RASGRF2: variants seen among roughly 807,000 people sequenced by gnomAD.
RASGRF2 encodes the protein Ras protein specific guanine nucleotide releasing factor 2.
Under a neutral mutation model 151.0 loss-of-function variants are expected in RASGRF2, and 76 were observed. The ratio of observed to expected loss-of-function variants is 0.50; its 90% CI spans 0.42 to 0.61. RASGRF2 has a LOEUF of 0.61. RASGRF2 is among the 20% of genes least tolerant of loss of function. The pLI is 0.00. For missense variants in RASGRF2, 1,148 were observed against 1,564.6 expected, an observed-to-expected ratio of 0.73 and a Z score of 4.49; for synonymous variants, 504 against 566.5, an observed-to-expected ratio of 0.89 and a Z score of 1.57.
intron 9 of RASGRF2, chr5:81,087,938 T>C (rs1259594288): frequency 6.6e-6 from 1 of 152,432 alleles, no homozygotes; most frequent in African/African-American, 2.4e-5. Context: ...CATTAATTTT[T>C]GCACAGACTA....
chr5:81,122,533 C>A (rs1186276177), intron 15 of RASGRF2, among the ~76,000 whole-genome samples: 1 of 152,040 alleles, frequency 6.6e-6, no homozygotes, highest in Non-Finnish European at 1.5e-5. Context: ...AAGTCACATG[C>A]AAGTATAAAA....
intron 9 of RASGRF2, among the ~76,000 whole-genome samples, chr5:81,091,417 T>C (rs1752384678): frequency 1.3e-5 from 2 of 152,152 alleles, no homozygotes; most frequent in African/African-American, 4.8e-5. Context: ...CCTGGCCCAT[T>C]GTTCCCCAAT....
At chr5:80,982,514 G>A (rs1270196387) in intron 1 of RASGRF2, among the ~76,000 whole-genome samples, 1 of 151,692 alleles carries the variant, frequency 6.6e-6, no homozygotes, top group Non-Finnish European at 1.5e-5. Context: ...AATAATGGTT[G>A]GGCAAGACTG....
At chr5:81,139,503 G>A (rs989831729) in intron 17 of RASGRF2, among the ~76,000 whole-genome samples, 10 of 149,926 alleles carry the variant, frequency 6.7e-5, no homozygotes, top group Admixed American at 3.3e-4. Context: ...TAGGATTACA[G>A]GCAGCTGCCA....
rs779396745 is a variant in RASGRF2, at chr5:81,201,429, G to A, written c.2893G>A (p.Ala965Thr). 3.1e-6 allele frequency: 5 copies of A among 1,613,710 alleles called. No individual in the cohort carries two copies. The highest frequency in any genetic ancestry group is 1.7e-5 in the Admixed American group (1 of 59,864). The change falls in exon 19 of 27, where the codon GCG becomes ACG. Residue 965 changes from alanine (A) to threonine (T), a missense_variant. Ala to Thr is a moderately conservative substitution (Grantham distance 58). Coordinates refer to ENST00000265080, the MANE Select transcript of RASGRF2 (RefSeq NM_006909.3). ...TCTTCCCCAAGAAAGGAAAGCCGCCGCGAATATCCTCAGGTGAAGGCAGCT... is the reference window on the plus strand; with the variant it reads ...TCTTCCCCAAGAAAGGAAAGCCGCCACGAATATCCTCAGGTGAAGGCAGCT... The part of the protein sequence containing the change: ...DLLPQERKAA[A>T]NILRALSQDD...
intron 1 of RASGRF2, among the ~76,000 whole-genome samples, chr5:80,999,486 G>T (rs915113022): frequency 2.6e-5 from 4 of 152,110 alleles, no homozygotes; most frequent in African/African-American, 9.7e-5. Context: ...AGGACTACAG[G>T]TGCGTGCCAC....
chr5:81,144,044 A>G (rs914476195), intron 17 of RASGRF2, among the ~76,000 whole-genome samples: 2 of 152,214 alleles, frequency 1.3e-5, no homozygotes, highest in Non-Finnish European at 1.5e-5. Context: ...GAAATAGTAG[A>G]CAGCCTCAAA....
intron 18 of RASGRF2, among the ~76,000 whole-genome samples, chr5:81,186,054 A>G (rs1755018678): frequency 6.6e-6 from 1 of 152,196 alleles, no homozygotes; most frequent in Non-Finnish European, 1.5e-5. Flanking sequence ...CACAAAATCT[A>G]TCAAAATAGC....
At chr5:81,054,175 G>A (rs1751119757) in intron 2 of RASGRF2, among the ~76,000 whole-genome samples, 1 of 152,212 alleles carries the variant, frequency 6.6e-6, no homozygotes, top group Admixed American at 6.5e-5. Context: ...ATTGCTTTTG[G>A]TGTTTTAGAC....
At chr5:81,073,510 G>T in intron 5 of RASGRF2, 58 bp downstream of exon 5, 1 of 1,520,134 alleles carries the variant, frequency 6.6e-7, no homozygotes. Flanking sequence ...TTTCCAACAA[G>T]AATTTTTACT....
chr5:81,028,233 A>G (rs1454739606), intron 1 of RASGRF2, among the ~76,000 whole-genome samples: 3 of 140,228 alleles, frequency 2.1e-5, no homozygotes, highest in South Asian at 4.8e-4. Flanking sequence ...TCTCAATGAA[A>G]TGCACATCAT....
At chr5:81,098,969 T>G (rs1752622353) in intron 12 of RASGRF2, among the ~76,000 whole-genome samples, 1 of 152,208 alleles carries the variant, frequency 6.6e-6, no homozygotes, top group Non-Finnish European at 1.5e-5. Context: ...ACTAGAAATA[T>G]TCCCAACACC....
At chr5:81,016,968 AC>A (rs1749657210) in intron 1 of RASGRF2, among the ~76,000 whole-genome samples, 1 of 152,020 alleles carries the variant, frequency 6.6e-6, no homozygotes. Context: ...ACTAACAACC[AC>A]CCCAACAAAG....
intron 1 of RASGRF2, among the ~76,000 whole-genome samples, chr5:80,980,750 G>A (rs1748272635): frequency 6.6e-6 from 1 of 152,186 alleles, no homozygotes; most frequent in Non-Finnish European, 1.5e-5. Context: ...ATAAATGAGT[G>A]TTCTAACTGT....
At chr5:80,989,536 G>A (rs568929534) in intron 1 of RASGRF2, among the ~76,000 whole-genome samples, 1 of 152,240 alleles carries the variant, frequency 6.6e-6, no homozygotes, top group African/African-American at 2.4e-5. Context: ...TTCTGTATTG[G>A]AGCAACCTTT....
chr5:81,107,725 G>A (rs1366399865), intron 12 of RASGRF2, among the ~76,000 whole-genome samples: 2 of 152,142 alleles, frequency 1.3e-5, no homozygotes, highest in Non-Finnish European at 2.9e-5. Flanking sequence ...GTGGGATAAG[G>A]TGGAGCATAA....
At chr5:81,086,022 T>C in intron 8 of RASGRF2, 111 bp downstream of exon 8, 2 of 1,488,908 alleles carry the variant, frequency 1.3e-6, no homozygotes, top group Non-Finnish European at 1.8e-6. Context: ...AAATCCAGCT[T>C]CTCAGATTCA....
At position 81,194,179 on chromosome 5, in the gene RASGRF2, T is replaced by TAAA. The variant is rs34067957; in HGVS notation, c.2794-7135_2794-7133dup. Among the ~76,000 whole-genome samples the TAAA allele has an allele frequency of 1.8e-3, 238 of 131,018 alleles. 1 individual carries two copies. Among genetic ancestry groups the TAAA allele is most frequent in the Admixed American group, 3.9e-3 (50 of 12,958 alleles). 86.0% of individuals were successfully genotyped at this position (131,018 alleles called of 152,430 possible). A position where few individuals can be genotyped will look rare whatever the true frequency, so the allele number is the denominator to read the frequency against. ...GGCAGCATAGAGAGAGCCCCATCTC[T>TAAA]AAAAAAAAAAAAAAAAAATCTTAAA... is the stretch of plus-strand genomic sequence containing the variant. On this transcript the variant is annotated intron_variant, in intron 18 of 26. Coordinates refer to ENST00000265080, the MANE Select transcript of RASGRF2 (RefSeq NM_006909.3).
At position 81,094,117 on chromosome 5, in the gene RASGRF2, A is replaced by G. The variant is rs549949335; in HGVS notation, c.1552-179A>G. ...GAAAGGGAAGGATTTTACTGAAGTT[A>G]AATGAGTTCACTTCCTTTTGCACAT... On this transcript the variant is annotated intron_variant, in intron 10 of 26. Transcript: ENST00000265080. Among the ~76,000 whole-genome samples, 13 of 152,338 alleles carry G rather than the reference A, an allele frequency of 8.5e-5. No homozygotes were observed. In the South Asian group the frequency reaches 2.3e-3, roughly 27 times the overall value.
Sources: allele counts gnomAD v4.1 joint callset (sites outside exome capture counted in the v4.1 genomes callset), GRCh38; gene constraint gnomAD v4.1.1; transcripts MANE v1.5; gene names NCBI Gene and HGNC (gene_info 2026-07-23, HGNC 2026-07-21).